The following LRP4 variants were observed in gnomAD, a reference collection of about 807,000 sequenced individuals.
LRP4 encodes LDL receptor related protein 4, also known as low-density lipoprotein receptor-related protein 4.
LRP4 carries 95 observed loss-of-function variants against 220.3 expected under a neutral mutation model. The ratio of observed to expected loss-of-function variants is 0.43; its 90% CI spans 0.37 to 0.51. The LOEUF (loss-of-function observed/expected upper bound fraction) is 0.51, where lower values mean the gene tolerates loss of function less well. Ranked by LOEUF, LRP4 falls within the 20% of genes least tolerant of loss-of-function variation. LRP4 has a pLI of 0.00. For synonymous variants in LRP4, 903 were observed against 954.6 expected (o/e 0.95, Z 1.00); for missense variants, 1,925 against 2,567.0 (o/e 0.75, Z 5.40).
chr11:46,879,086 A>T (rs1366302663), intron 21 of LRP4, 40 bp downstream of exon 21: 2 of 1,614,196 alleles, frequency 1.2e-6, no homozygotes, highest in Non-Finnish European at 1.7e-6. Flanking sequence ...AGGGCATAGG[A>T]GGGCCACGGA....
chr11:46,896,785 T>G (rs1941541203), intron 8 of LRP4, 84 bp downstream of exon 8: 1 of 1,602,656 alleles, frequency 6.2e-7, no homozygotes, highest in East Asian at 2.2e-5. Context: ...TCAACCCAAC[T>G]GGAAAGATAC....
intron 32 of LRP4, 58 bp from the exon 33 acceptor site, chr11:46,868,771 G>A: frequency 7.1e-7 from 1 of 1,400,180 alleles, no homozygotes; most frequent in Non-Finnish European, 1.0e-6. Context: ...CCCAATTTAA[G>A]GCTTCTCAAA....
intron 20 of LRP4, 44 bp from the exon 21 acceptor site, chr11:46,879,359 A>G (rs1941097258): frequency 3.1e-6 from 5 of 1,602,360 alleles, no homozygotes; most frequent in African/African-American, 1.3e-5. Flanking sequence ...AAAGTCTGAC[A>G]GTACAGAGCA....
chr11:46,877,091 A>G, intron 23 of LRP4, 108 bp downstream of exon 23: 1 of 1,318,094 alleles, frequency 7.6e-7, no homozygotes, highest in Non-Finnish European at 1.1e-6. Context: ...GGAATGGGGA[A>G]CAAACACCCT....
intron 1 of LRP4, among the ~76,000 whole-genome samples, chr11:46,907,440 T>C (rs948474627): frequency 4.6e-5 from 7 of 152,254 alleles, no homozygotes; most frequent in Non-Finnish European, 8.8e-5. Flanking sequence ...GGCTTTCATA[T>C]AAAGCAAGCT....
intron 1 of LRP4, among the ~76,000 whole-genome samples, chr11:46,914,373 G>C (rs555179931): frequency 1.1e-3 from 169 of 152,332 alleles, no homozygotes; most frequent in Middle Eastern, 0.01. Context: ...TTTGCTGAAT[G>C]AATGAACAAG....
At chr11:46,903,544 G>A (rs1941708087) in intron 1 of LRP4, among the ~76,000 whole-genome samples, 1 of 152,128 alleles carries the variant, frequency 6.6e-6, no homozygotes, top group African/African-American at 2.4e-5. Flanking sequence ...ATGCCACTCA[G>A]AGGTTTGGTG....
intron 2 of LRP4, among the ~76,000 whole-genome samples, chr11:46,902,484 A>T (rs961098077): frequency 5.3e-5 from 8 of 152,216 alleles, no homozygotes; most frequent in African/African-American, 1.9e-4. Context: ...ATACACAAAC[A>T]TATTCACATA....
rs137882536 is a variant in LRP4 at position 46,876,573 on chromosome 11, C to T, written c.3429G>A (p.Thr1143=). ...AIGRKVYWTD[T]GTNRIEVGNL... is the part of the protein sequence containing the mutation. Reference sequence around the variant, plus strand: ...TGCCCACTTCAATCCGGTTTGTTCCCGTGTCTGTCCAGTATACTTTCCGGC... The same window carrying T: ...TGCCCACTTCAATCCGGTTTGTTCCTGTGTCTGTCCAGTATACTTTCCGGC... Residue 1143 remains threonine (T), a synonymous_variant, in exon 25 of 38, where the codon ACG becomes ACA. Coordinates refer to ENST00000378623, the MANE Select transcript of LRP4 (RefSeq NM_002334.4). 1.5e-4 allele frequency: 249 copies of T among 1,614,192 alleles called. 1 individual carries two copies. Among genetic ancestry groups the T allele is most frequent in the Middle Eastern group, 8.2e-4 (5 of 6,062 alleles).
In LRP4 at chr11:46,899,404, G is replaced by T. The variant is rs1565800416; in HGVS notation, c.530C>A (p.Ser177Tyr). Reference sequence around the variant, plus strand: ...CCACTCACGACAGTTCTCCTCATCGGAGCCATCTTTGCAGTCGGTGTCACC... The same window carrying T: ...CCACTCACGACAGTTCTCCTCATCGTAGCCATCTTTGCAGTCGGTGTCACC... ...CDGDTDCKDG[S>Y]DEENCPSAVP... The change falls in exon 5 of 38, where the codon TCC becomes TAC. Residue 177 changes from serine to tyrosine, a missense_variant. Physicochemically the swap from Ser to Tyr is moderately radical, Grantham distance 144 (BLOSUM62 -2). Transcript: ENST00000378623. The surrounding 1 kb of genome is among the most constrained non-coding windows in gnomAD (Gnocchi z 5.9). 1 of 1,613,940 alleles carries T rather than the reference G, an allele frequency of 6.2e-7. No individual in the cohort carries two copies. The highest frequency in any genetic ancestry group is 8.5e-7 in the Non-Finnish European group (1 of 1,179,832).
chr11:46,873,455 C>T lies in LRP4; in HGVS notation c.4368G>A (p.Arg1456=), dbSNP rs771692475. 2 of 1,614,096 alleles carry T rather than the reference C, an allele frequency of 1.2e-6. No homozygotes were observed. The highest frequency in any genetic ancestry group is 1.3e-5 in the African/African-American group (1 of 74,932). The part of the protein sequence containing the change: ...DTGRNTIEAS[R]LDGSCRKVLI... ...GTACTTTGCGGCAGGAACCATCCAG[C>T]CTGGACGCCTCAATGGTATTTCGAC... The change falls in exon 29 of 38, where the codon AGG becomes AGA. Residue 1456 remains arginine, a synonymous_variant. Transcript: ENST00000378623. The surrounding 1 kb of genome is among the most constrained non-coding windows in gnomAD (Gnocchi z 4.2).
intron 31 of LRP4, among the ~76,000 whole-genome samples, chr11:46,870,680 C>T (rs933665414): frequency 2.0e-5 from 3 of 152,322 alleles, no homozygotes; most frequent in South Asian, 4.1e-4. Flanking sequence ...CTGGCCTCAG[C>T]CAGAGTGCTG....
chr11:46,908,463 G>A (rs1941798040), intron 1 of LRP4, among the ~76,000 whole-genome samples: 1 of 152,206 alleles, frequency 6.6e-6, no homozygotes, highest in Non-Finnish European at 1.5e-5. Context: ...ACCACAGAAA[G>A]GTTAAGTCTG....
chr11:46,894,789 C>T lies in LRP4; in HGVS notation c.1340G>A (p.Arg447His), dbSNP rs1249971737. Residue 447 changes from arginine (R) to histidine (H), a missense_variant, in exon 12 of 38, where the codon CGC becomes CAC. By Grantham distance (29) the Arg-to-His change is conservative (BLOSUM62 0). Transcript: ENST00000378623. ...GPEPVLLFAN[R>H]IDIRQVLPHR... is the part of the protein sequence containing the mutation. ...TGGCAGCACCTGCCGGATGTCGATG[C>T]GATTGGCGAACAGCAGCACAGGCTC... 5 of 1,614,182 alleles carry T rather than the reference C, an allele frequency of 3.1e-6. No individual in the cohort carries two copies. Among genetic ancestry groups the T allele is most frequent in the Non-Finnish European group, 4.2e-6 (5 of 1,180,018 alleles).
chr11:46,904,126 G>C (rs988934964), intron 1 of LRP4, among the ~76,000 whole-genome samples: 4 of 152,214 alleles, frequency 2.6e-5, no homozygotes, highest in Non-Finnish European at 5.9e-5. Context: ...AGCTGGGGAA[G>C]GAGGGGGCCG....
rs1050885388 is a variant in LRP4, at chr11:46,882,740, C to A, written c.2613-837G>T. On this transcript the variant is annotated intron_variant, in intron 19 of 37. Transcript: ENST00000378623. ...GCATTGTGGTCTGTGCCTGCAGTCC[C>A]AGCTACTTGGGAGGCTGAGGCAGGA... Among the ~76,000 whole-genome samples, 5 of 152,004 alleles carry A rather than the reference C, an allele frequency of 3.3e-5. 1 individual carries two copies. The highest frequency in any genetic ancestry group is 1.3e-4 in the Admixed American group (2 of 15,256).
Position 46,889,737 on chromosome 11 carries a change from A to C in LRP4, c.2093-204T>G, listed in dbSNP as rs1941379819. 4.8e-6 allele frequency: 4 copies of C among 837,798 alleles called. No individual in the cohort carries two copies. The East Asian group carries it at 1.1e-4, about 22-fold the overall frequency. The allele number at this position is 837,798 out of a possible 1,614,324, so 51.9% of individuals were successfully genotyped here. A position where few individuals can be genotyped will look rare whatever the true frequency, so the allele number is the denominator to read the frequency against. On this transcript the variant is annotated intron_variant, in intron 15 of 37. Transcript: ENST00000378623. ...TAAATGTCTGCCTGAATTAGATGGG[A>C]ACGGTGAAGTCTAATGAATCTTTTC...
At position 46,873,013 on chromosome 11, in the gene LRP4, A is replaced by G. The variant is rs1368303855; in HGVS notation, c.4583+87T>C. 3 of 1,560,554 alleles carry G rather than the reference A, an allele frequency of 1.9e-6. No individual in the cohort carries two copies. The highest frequency in any genetic ancestry group is 3.3e-5 in the Admixed American group (2 of 59,922). On this transcript the variant is annotated intron_variant, in intron 30 of 37. Transcript: ENST00000378623. The surrounding 1 kb of genome is among the most constrained non-coding windows in gnomAD (Gnocchi z 4.2). ...TTCCCCACATACCAAGAAGCTTTCT[A>G]TCTTTTCATTTTTCCAAGGTTAATC...
chr11:46,900,138 G>GA, intron 3 of LRP4, 124 bp downstream of exon 3: 1 of 971,180 alleles, frequency 1.0e-6, no homozygotes, highest in Non-Finnish European at 1.7e-6. Context: ...GAGAGGAAGT[G>GA]AAAGGACAGG....
Sources: allele counts gnomAD v4.1 joint callset (sites outside exome capture counted in the v4.1 genomes callset), GRCh38; gene constraint gnomAD v4.1.1; non-coding constraint Gnocchi (gnomAD v3.1); transcripts MANE v1.5; gene names NCBI Gene and HGNC (gene_info 2026-07-23, HGNC 2026-07-21).